MAGI1: variants seen among roughly 807,000 people sequenced by gnomAD.
MAGI1 encodes membrane associated guanylate kinase, WW and PDZ domain containing 1, also known as membrane-associated guanylate kinase, WW and PDZ domain-containing protein 1.
MAGI1 carries 58 observed loss-of-function variants against 139.9 expected under a neutral mutation model. That is an observed-to-expected ratio of 0.41 (90% confidence interval 0.34 to 0.52). The LOEUF (loss-of-function observed/expected upper bound fraction) is 0.52, where lower values mean the gene tolerates loss of function less well. Ranked by LOEUF, MAGI1 falls within the 20% of genes least tolerant of loss-of-function variation. MAGI1 has a pLI of 0.12. For missense variants in MAGI1, 1,874 were observed against 1,901.6 expected, an observed-to-expected ratio of 0.99 and a Z score of 0.27; for synonymous variants, 812 against 737.9, an observed-to-expected ratio of 1.10 and a Z score of -1.63.
intron 1 of MAGI1, among the ~76,000 whole-genome samples, chr3:65,856,081 T>C (rs1477785756): frequency 1.3e-5 from 2 of 152,164 alleles, no homozygotes; most frequent in Non-Finnish European, 2.9e-5. Flanking sequence ...GCATTTGAAA[T>C]ATGACTATGG....
At chr3:65,696,854 T>C (rs963621648) in intron 1 of MAGI1, among the ~76,000 whole-genome samples, 1 of 151,966 alleles carries the variant, frequency 6.6e-6, no homozygotes, top group Non-Finnish European at 1.5e-5. Context: ...CCCAGAACAC[T>C]TGCTAGAAAT....
At chr3:65,869,295 TA>T (rs1468418655) in intron 1 of MAGI1, among the ~76,000 whole-genome samples, 1 of 144,828 alleles carries the variant, frequency 6.9e-6, no homozygotes, top group Non-Finnish European at 1.5e-5. Context: ...ATTATGTTTA[TA>T]ATGTGTCATC....
intron 1 of MAGI1, among the ~76,000 whole-genome samples, chr3:65,662,347 A>C (rs1463724195): frequency 1.3e-5 from 2 of 152,234 alleles, no homozygotes; most frequent in Non-Finnish European, 2.9e-5. Context: ...CAAACTTTCC[A>C]TAAAATGCCA....
At chr3:65,723,330 A>C (rs2033257334) in intron 1 of MAGI1, among the ~76,000 whole-genome samples, 1 of 152,188 alleles carries the variant, frequency 6.6e-6, no homozygotes, top group African/African-American at 2.4e-5. Context: ...CTACATCACC[A>C]AGATGCTTCA....
chr3:65,827,324 A>G (rs1245803864), intron 1 of MAGI1, among the ~76,000 whole-genome samples: 1 of 152,180 alleles, frequency 6.6e-6, no homozygotes, highest in Non-Finnish European at 1.5e-5. Context: ...AGTGGGGAAG[A>G]CGTAGGAGAC....
At chr3:65,775,828 A>C (rs902710457) in intron 1 of MAGI1, among the ~76,000 whole-genome samples, 1 of 152,046 alleles carries the variant, frequency 6.6e-6, no homozygotes, top group African/African-American at 2.4e-5. Context: ...CTGTAGTCCC[A>C]GCTATGCAAT....
At chr3:65,877,679 C>T (rs1348186647) in intron 1 of MAGI1, among the ~76,000 whole-genome samples, 1 of 152,142 alleles carries the variant, frequency 6.6e-6, no homozygotes, top group Non-Finnish European at 1.5e-5. Flanking sequence ...CCTAAGCCTC[C>T]CAAGTGGCTG....
At chr3:65,933,095 G>C (rs1228565556) in intron 1 of MAGI1, among the ~76,000 whole-genome samples, 1 of 152,204 alleles carries the variant, frequency 6.6e-6, no homozygotes, top group Non-Finnish European at 1.5e-5. Flanking sequence ...GTTTAAGTGT[G>C]TATGGCTGAA....
chr3:65,640,536 C>G (rs1335287344), intron 1 of MAGI1, among the ~76,000 whole-genome samples: 1 of 152,158 alleles, frequency 6.6e-6, no homozygotes, highest in African/African-American at 2.4e-5. Context: ...CGACAAAGCT[C>G]CCTCCCAGCT....
chr3:65,436,257 T>C (rs1947844954), intron 10 of MAGI1, among the ~76,000 whole-genome samples: 1 of 151,576 alleles, frequency 6.6e-6, no homozygotes. Context: ...AATTAAATCT[T>C]TTAAAATATA....
intron 1 of MAGI1, among the ~76,000 whole-genome samples, chr3:65,991,307 TAAA>T (rs397950872): frequency 2.7e-5 from 3 of 109,310 alleles, no homozygotes; most frequent in Admixed American, 1.0e-4. Flanking sequence ...AAAAAAAAGG[TAAA>T]AAAAAAAAAA....
At chr3:65,410,251 G>C (rs368113317) in intron 12 of MAGI1, among the ~76,000 whole-genome samples, 3 of 152,164 alleles carry the variant, frequency 2.0e-5, no homozygotes, top group East Asian at 3.9e-4. Context: ...AAGGTTGAAA[G>C]CTTAGTGCAA....
chr3:65,375,138 G>T (rs1336502051), intron 18 of MAGI1, among the ~76,000 whole-genome samples: 1 of 150,920 alleles, frequency 6.6e-6, no homozygotes, highest in African/African-American at 2.4e-5. Context: ...TGAAGACAAG[G>T]ACACAAAAAG....
intron 12 of MAGI1, among the ~76,000 whole-genome samples, chr3:65,414,796 G>A (rs1946061793): frequency 6.6e-6 from 1 of 151,542 alleles, no homozygotes; most frequent in Admixed American, 6.6e-5. Flanking sequence ...TACCTTGGGA[G>A]GCCGAGGCAG....
intron 2 of MAGI1, among the ~76,000 whole-genome samples, chr3:65,547,261 T>C (rs1175064581): frequency 3.3e-5 from 5 of 152,220 alleles, no homozygotes; most frequent in African/African-American, 1.2e-4. Flanking sequence ...TTTGCCACGT[T>C]AATTCAACCC....
intron 1 of MAGI1, among the ~76,000 whole-genome samples, chr3:65,640,913 A>G (rs1159301025): frequency 6.6e-6 from 1 of 152,172 alleles, no homozygotes; most frequent in Non-Finnish European, 1.5e-5. Flanking sequence ...AAATAGGTCC[A>G]CACTTCAGCC....
intron 1 of MAGI1, among the ~76,000 whole-genome samples, chr3:65,720,384 T>C (rs896501790): frequency 6.6e-6 from 1 of 152,130 alleles, no homozygotes; most frequent in African/African-American, 2.4e-5. Context: ...CACTGAAGCC[T>C]ACCCTGGAAG....
intron 1 of MAGI1, among the ~76,000 whole-genome samples, chr3:65,964,722 A>C (rs112342007): frequency 0.011 from 1,741 of 152,218 alleles, 21 homozygotes; most frequent in Middle Eastern, 0.048. Flanking sequence ...GCAGCTGCAC[A>C]CCTTTGTCTC....
intron 1 of MAGI1, among the ~76,000 whole-genome samples, chr3:65,690,968 A>C (rs2107561729): frequency 6.6e-6 from 1 of 152,250 alleles, no homozygotes; most frequent in South Asian, 2.1e-4. Flanking sequence ...GTCCAGAGTG[A>C]CCATCCTGAG....
Sources: allele counts gnomAD v4.1 joint callset (sites outside exome capture counted in the v4.1 genomes callset), GRCh38; gene constraint gnomAD v4.1.1; transcripts MANE v1.5; gene names NCBI Gene and HGNC (gene_info 2026-07-23, HGNC 2026-07-21).